Variants in BMP1 observed in about 807,000 individuals in gnomAD.
BMP1 encodes bone morphogenetic protein 1, also known as mammalian tolloid protein.
A neutral mutation model predicts 116.8 loss-of-function variants in BMP1; 63 were observed. That is an observed-to-expected ratio of 0.54 (90% confidence interval 0.44 to 0.67). BMP1 has a LOEUF of 0.67. BMP1 is among the 30% of genes least tolerant of loss of function. The pLI, the probability that BMP1 is intolerant of heterozygous loss-of-function variation, is 0.00. For missense variants in BMP1, 1,183 were observed against 1,358.9 expected (o/e 0.87, Z 2.04); for synonymous variants, 536 against 533.4 (o/e 1.00, Z -0.07).
chr8:22,192,145 C>A lies in BMP1; in HGVS notation c.1174C>A (p.Leu392Ile). 1 of 1,613,166 alleles carries A rather than the reference C, an allele frequency of 6.2e-7. No homozygotes were observed. Among genetic ancestry groups the A allele is most frequent in the South Asian group, 1.1e-5 (1 of 91,032 alleles). ...VRDGFWRKAP[L>I]RGRFCGSKLP... Reference sequence around the variant, plus strand: ...AGATGGCTTCTGGAGGAAGGCGCCCCTCCGAGGTAACGGCACCAGCCACCC... The same window carrying A: ...AGATGGCTTCTGGAGGAAGGCGCCCATCCGAGGTAACGGCACCAGCCACCC... Residue 392 changes from leucine to isoleucine, a missense_variant, in exon 9 of 20, where the codon CTC becomes ATC. Leu to Ile is a conservative substitution (Grantham distance 5). Around this residue, in one of 4 missense-constraint regions of BMP1, gnomAD observed 956 missense variants for 1,135.2 expected, o/e 0.84. Transcript: ENST00000306385.
At chr8:22,170,323 T>G (rs556291255) in intron 1 of BMP1, 2 of 152,504 alleles carry the variant, frequency 1.3e-5, no homozygotes, top group Non-Finnish European at 2.9e-5. Context: ...AGAGCTGACT[T>G]TGAGCTTACG....
chr8:22,176,793 C>T lies in BMP1; in HGVS notation c.551+143C>T, dbSNP rs1828449809. ...TATGGGGCATCTACCCAGGAACTGC[C>T]CCCTGTGCGGCTGTGACCTCCAGCA... On this transcript the variant is annotated intron_variant, in intron 4 of 19. Transcript: ENST00000306385. The T allele has an allele frequency of 7.6e-6, 8 of 1,046,324 alleles. No homozygotes were observed. The East Asian group carries it at 1.5e-4, about 19-fold the overall frequency. The allele number at this position is 1,046,324 out of a possible 1,614,324, so 64.8% of individuals were successfully genotyped here.
At chr8:22,173,816 A>G (rs1208634760) in intron 2 of BMP1, 101 bp downstream of exon 2, 4 of 892,224 alleles carry the variant, frequency 4.5e-6, no homozygotes, top group African/African-American at 1.7e-5. Flanking sequence ...CCCAGGACAG[A>G]GGCCATGAGT....
chr8:22,200,997 C>CCCCCCCCCCCCCCCAAA, intron 15 of BMP1: 1 of 319,192 alleles, frequency 3.1e-6, no homozygotes, highest in Non-Finnish European at 6.2e-6. Flanking sequence ...CCTCCCGCCC[C>CCCCCCCCCCCCCCCAAA]ACCCTGCCCC....
chr8:22,211,828 C>T lies in BMP1; in HGVS notation c.*100C>T. 6.4e-7 allele frequency: 1 copy of T among 1,569,606 alleles called. No individual in the cohort carries two copies. The highest frequency in any genetic ancestry group is 1.7e-5 in the Admixed American group (1 of 58,882). On this transcript the variant is annotated 3_prime_UTR_variant, in exon 20 of 20. Transcript: ENST00000306385. Reference sequence around the variant, plus strand: ...AAGGCAACGCACCATCCCTCTCCCCCAGGCCCCAGGACCTGCAGGGCCAAT... The same window carrying T: ...AAGGCAACGCACCATCCCTCTCCCCTAGGCCCCAGGACCTGCAGGGCCAAT...
intron 18 of BMP1, among the ~76,000 whole-genome samples, chr8:22,208,097 C>G (rs1829397793): frequency 6.6e-6 from 1 of 152,048 alleles, no homozygotes; most frequent in African/African-American, 2.4e-5. Flanking sequence ...TTGGCCAGGC[C>G]AGTCTCAAAC....
chr8:22,170,763 T>G (rs890471300), intron 1 of BMP1: 2 of 151,886 alleles, frequency 1.3e-5, no homozygotes, highest in Non-Finnish European at 2.9e-5. Context: ...AAGAACAGCC[T>G]GATCAACAAG....
chr8:22,209,278 G>A (rs1829418242), intron 18 of BMP1, among the ~76,000 whole-genome samples, 167 bp from the exon 19 acceptor site: 1 of 152,224 alleles, frequency 6.6e-6, no homozygotes, highest in Non-Finnish European at 1.5e-5. Context: ...ATTTAGAGAT[G>A]GGGCAGCACA....
chr8:22,174,832 C>T (rs952069066), intron 2 of BMP1, among the ~76,000 whole-genome samples: 2 of 152,142 alleles, frequency 1.3e-5, no homozygotes, highest in South Asian at 2.1e-4. Flanking sequence ...CGGGATGTCA[C>T]GGTGTTGGCC....
chr8:22,176,837 T>C, intron 4 of BMP1, 124 bp from the exon 5 acceptor site: 1 of 981,266 alleles, frequency 1.0e-6, no homozygotes, highest in Non-Finnish European at 1.5e-6. Flanking sequence ...GGGCACTCGG[T>C]GCTCAGGGCC....
At position 22,210,665 on chromosome 8, in the gene BMP1, G is replaced by A. The variant is rs114314677; in HGVS notation, c.2827-929G>A. On this transcript the variant is annotated intron_variant, in intron 19 of 19. Transcript: ENST00000306385. ...TGGCTGAACCTCCCCCAGGAGCAGA[G>A]CTTCAGCCCTCGTGTGGCTGGCAGG... Among the ~76,000 whole-genome samples the A allele has an allele frequency of 8.6e-3, 1,305 of 152,268 alleles. 19 individuals carry two copies. The highest frequency in any genetic ancestry group is 0.03 in the African/African-American group (1,229 of 41,548).
At chr8:22,173,553 G>T in intron 1 of BMP1, 49 bp from the exon 2 acceptor site, 2 of 1,472,430 alleles carry the variant, frequency 1.4e-6, no homozygotes, top group Non-Finnish European at 1.9e-6. Flanking sequence ...GTGCACCTAG[G>T]GCTGGGTAGG....
Position 22,194,074 on chromosome 8 carries a change from C to T in BMP1, c.1197C>T (p.Ser399=). Residue 399 remains serine (S), a synonymous_variant, in exon 10 of 20, where the codon TCC becomes TCT. Coordinates refer to ENST00000306385, the MANE Select transcript of BMP1 (RefSeq NM_006129.5). The surrounding 1 kb of genome is among the most constrained non-coding windows in gnomAD (Gnocchi z 4.5). The stretch of plus-strand genomic sequence containing the variant: ...TCTGTGCAGGCCGCTTCTGCGGGTC[C>T]AAACTCCCTGAGCCTATCGTCTCCA... ...KAPLRGRFCG[S]KLPEPIVSTD... 1.2e-6 allele frequency: 2 copies of T among 1,614,222 alleles called. No individual in the cohort carries two copies. The highest frequency in any genetic ancestry group is 1.7e-6 in the Non-Finnish European group (2 of 1,180,030).
intron 15 of BMP1, among the ~76,000 whole-genome samples, chr8:22,200,950 G>A (rs1293011478): frequency 5.9e-5 from 9 of 151,714 alleles, no homozygotes; most frequent in African/African-American, 1.5e-4. Context: ...CCCTGGATGC[G>A]CCCGGACATG....
intron 1 of BMP1, 62 bp downstream of exon 1, chr8:22,165,615 T>C (rs1828071025): frequency 6.8e-7 from 1 of 1,474,166 alleles, no homozygotes; most frequent in Admixed American, 2.6e-5. Context: ...GGTTCGGGCT[T>C]GGGGTTGGGG....
At chr8:22,198,808 C>T (rs750000551) in intron 15 of BMP1, 154 of 471,420 alleles carry the variant, frequency 3.3e-4, no homozygotes, top group Non-Finnish European at 6.7e-5. Flanking sequence ...CCCTGCTCTG[C>T]TTACAGTGGC....
At chr8:22,178,176 C>G (rs1828509052) in intron 6 of BMP1, among the ~76,000 whole-genome samples, 1 of 152,234 alleles carries the variant, frequency 6.6e-6, no homozygotes, top group South Asian at 2.1e-4. Flanking sequence ...CCGTGTGCAC[C>G]CAGGGCACCT....
At position 22,186,414 on chromosome 8, in the gene BMP1, G is replaced by C. The variant is rs570729843; in HGVS notation, c.1078-5635G>C. 6.6e-5 allele frequency among the ~76,000 whole-genome samples: 10 copies of C among 152,330 alleles called. No individual in the cohort carries two copies. In the South Asian group the frequency reaches 1.9e-3, roughly 28 times the overall value. ...CTCGCAGCTGTGCCACGTACTGGCT[G>C]TGTGGTCTTGGGGAAGTTGCTTAAC... On this transcript the variant is annotated intron_variant, in intron 8 of 19. Transcript: ENST00000306385.
Position 22,212,110 on chromosome 8 carries a change from C to T in BMP1, c.*382C>T. On this transcript the variant is annotated 3_prime_UTR_variant, in exon 20 of 20. Transcript: ENST00000306385. Reference sequence around the variant, plus strand: ...ATTATTTTCATTGTAATGTTCATTTCCCACCCCTGCTCCAGCCTCGATTTG... The same window carrying T: ...ATTATTTTCATTGTAATGTTCATTTTCCACCCCTGCTCCAGCCTCGATTTG... The T allele has an allele frequency of 4.8e-6, 1 of 206,674 alleles. No homozygotes were observed. The highest frequency in any genetic ancestry group is 5.1e-5 in the Admixed American group (1 of 19,786). 12.8% of individuals were successfully genotyped at this position (206,674 alleles called of 1,614,324 possible).
Sources: gnomAD v4.1 joint callset for allele counts (sites outside exome capture counted in the v4.1 genomes callset) on GRCh38, gnomAD v4.1.1 for gene constraint, gnomAD v4.1.1 regional missense constraint, Gnocchi (gnomAD v3.1) non-coding constraint, MANE v1.5 for transcripts, NCBI Gene and HGNC (gene_info 2026-07-23, HGNC 2026-07-21) for gene names.